Variants in ANK2 observed in about 807,000 individuals in gnomAD.
ANK2 encodes the protein ankyrin-2.
In ANK2, 83 loss-of-function variants were observed where a neutral mutation model predicts 360.5. The ratio of observed to expected loss-of-function variants is 0.23; its 90% confidence interval spans 0.19 to 0.28. The LOEUF (loss-of-function observed/expected upper bound fraction) is 0.28, where lower values mean the gene tolerates loss of function less well. Ranked by LOEUF, ANK2 falls within the 10% of genes least tolerant of loss-of-function variation. The pLI is 1.00. For missense variants in ANK2, 4,201 were observed against 4,795.7 expected, an observed-to-expected ratio of 0.88 and a Z score of 3.66; for synonymous variants, 1,740 against 1,759.5, an observed-to-expected ratio of 0.99 and a Z score of 0.28.
At chr4:113,107,331 C>T (rs1190870676) in intron 1 of ANK2, among the ~76,000 whole-genome samples, 1 of 152,136 alleles carries the variant, frequency 6.6e-6, no homozygotes, top group Non-Finnish European at 1.5e-5. Flanking sequence ...ATTCTCCTGC[C>T]TCAGCCTCCC....
rs573800976 is a variant in ANK2, at chr4:112,948,783, T to G, written c.21+44269T>G. ...TGGCTTTGTCTCCTTTCAGCTCAGG[T>G]CTGACCTATGATTGCCTCTGCCCCA... On this transcript the variant is annotated intron_variant, in intron 2 of 30. Transcript: ENST00000503271. Among the ~76,000 whole-genome samples the G allele has an allele frequency of 1.3e-4, 20 of 152,344 alleles. No individual in the cohort carries two copies. The South Asian group carries it at 3.7e-3, about 28-fold the overall frequency.
chr4:113,120,823 C>A (rs1389954279), intron 1 of ANK2, among the ~76,000 whole-genome samples: 2 of 152,062 alleles, frequency 1.3e-5, no homozygotes, highest in Admixed American at 6.6e-5. Context: ...GTGTTCTCAT[C>A]ATTTAGTTCA....
At chr4:113,369,948 A>G in intron 43 of ANK2, 143 bp downstream of exon 43, 4 of 962,656 alleles carry the variant, frequency 4.2e-6, no homozygotes, top group East Asian at 5.2e-5. Flanking sequence ...GAAACCCTCA[A>G]TCCCTTTTAA....
intron 1 of ANK2, among the ~76,000 whole-genome samples, chr4:112,856,215 G>A (rs1387962090): frequency 6.6e-6 from 1 of 152,146 alleles, no homozygotes; most frequent in Non-Finnish European, 1.5e-5. Context: ...TACTTTTTAA[G>A]CGTGAAAGTA....
rs530130322 is a variant in ANK2, at chr4:113,104,361, G to A, written c.84+54549G>A. ...TAAAAAACCTTATTATCACAAAAAA[G>A]AGCTCTACAAATCTAGATAGTTGTT... On this transcript the variant is annotated intron_variant, in intron 1 of 45. Coordinates refer to ENST00000357077, the MANE Select transcript of ANK2 (RefSeq NM_001148.6). 5.9e-5 allele frequency among the ~76,000 whole-genome samples: 9 copies of A among 152,244 alleles called. No individual in the cohort carries two copies. In the East Asian group the frequency reaches 1.7e-3, roughly 29 times the overall value.
At chr4:113,047,608 A>T (rs1298179670), upstream of ANK2, among the ~76,000 whole-genome samples, 2 of 152,102 alleles carry the variant, frequency 1.3e-5, no homozygotes, top group Non-Finnish European at 2.9e-5. Context: ...TGGGGATTTC[A>T]GTGGGGGCTG....
chr4:112,940,784 G>A (rs1210854346), intron 2 of ANK2, among the ~76,000 whole-genome samples: 1 of 152,052 alleles, frequency 6.6e-6, no homozygotes. Flanking sequence ...ATAATTTTTA[G>A]TTGAGGCAGC....
At chr4:112,948,669 C>T (rs2094724728) in intron 2 of ANK2, among the ~76,000 whole-genome samples, 1 of 152,080 alleles carries the variant, frequency 6.6e-6, no homozygotes, top group African/African-American at 2.4e-5. Flanking sequence ...CTTTTAAATC[C>T]CTGTTTTTGG....
At chr4:113,151,561 A>G (rs1360348747) in intron 1 of ANK2, among the ~76,000 whole-genome samples, 1 of 152,198 alleles carries the variant, frequency 6.6e-6, no homozygotes, top group Non-Finnish European at 1.5e-5. Flanking sequence ...GTCCACCCTC[A>G]TGATCTAAAC....
intron 1 of ANK2, among the ~76,000 whole-genome samples, chr4:113,140,522 C>T (rs935678000): frequency 2.0e-5 from 3 of 152,074 alleles, no homozygotes; most frequent in African/African-American, 7.2e-5. Flanking sequence ...CTCTACATGA[C>T]CTTTTTAAAT....
intron 2 of ANK2, among the ~76,000 whole-genome samples, chr4:113,018,851 G>A (rs903672766): frequency 8.5e-5 from 13 of 152,118 alleles, no homozygotes; most frequent in Admixed American, 3.9e-4. Flanking sequence ...CTGAAAGGTC[G>A]CTGATTCTTG....
intron 20 of ANK2, among the ~76,000 whole-genome samples, chr4:113,289,916 A>G (rs2066694849): frequency 6.6e-6 from 1 of 152,122 alleles, no homozygotes; most frequent in South Asian, 2.1e-4. Flanking sequence ...CCATATAAGC[A>G]CTCCAGGAAA....
At chr4:113,094,431 G>C (rs2090047924) in intron 1 of ANK2, among the ~76,000 whole-genome samples, 1 of 152,124 alleles carries the variant, frequency 6.6e-6, no homozygotes, top group Non-Finnish European at 1.5e-5. Flanking sequence ...TTATCTGAAG[G>C]GGATATTTGA....
chr4:113,317,572 G>A, intron 24 of ANK2, 135 bp from the exon 25 acceptor site: 1 of 718,334 alleles, frequency 1.4e-6, no homozygotes, highest in South Asian at 1.5e-5. Flanking sequence ...GGACAACAGA[G>A]ACTTGTGTCC....
chr4:113,157,706 C>A (rs925051346), intron 1 of ANK2, among the ~76,000 whole-genome samples: 1 of 152,194 alleles, frequency 6.6e-6, no homozygotes, highest in Non-Finnish European at 1.5e-5. Context: ...CAGGAAGCAG[C>A]AGCCACTCCT....
intron 23 of ANK2, among the ~76,000 whole-genome samples, chr4:113,307,412 C>CT (rs56756321): frequency 0.045 from 4,122 of 91,834 alleles, 278 homozygotes; most frequent in African/African-American, 0.16. Context: ...GCCATTCCAC[C>CT]TTTTTTTTTT....
intron 1 of ANK2, among the ~76,000 whole-genome samples, chr4:113,134,701 C>T (rs897246196): frequency 2.6e-5 from 4 of 151,932 alleles, no homozygotes; most frequent in Non-Finnish European, 4.4e-5. Flanking sequence ...TTAATGAAAG[C>T]CATAGTCTCT....
the ANK2 span, among the ~76,000 whole-genome samples, chr4:112,762,239 T>G: frequency 6.6e-6 from 1 of 152,218 alleles, no homozygotes; most frequent in Non-Finnish European, 1.5e-5. Context: ...TTTCTTAATA[T>G]TGGATTAAAT....
intron 13 of ANK2, among the ~76,000 whole-genome samples, 175 bp from the exon 14 acceptor site, chr4:113,264,722 C>A (rs1440030023): frequency 4.2e-4 from 59 of 141,816 alleles, no homozygotes; most frequent in East Asian, 6.1e-4. Flanking sequence ...AACTTTGTCT[C>A]AAAAAAAAAA....
Sources: gnomAD v4.1 joint callset for allele counts (sites outside exome capture counted in the v4.1 genomes callset) on GRCh38, gnomAD v4.1.1 for gene constraint, MANE v1.5 for transcripts, NCBI Gene and HGNC (gene_info 2026-07-23, HGNC 2026-07-21) for gene names.